MAST2: variants seen among roughly 807,000 people sequenced by gnomAD.
MAST2 encodes the protein microtubule-associated serine/threonine-protein kinase 2.
A neutral mutation model predicts 147.4 loss-of-function variants in MAST2; 70 were observed. That is an observed-to-expected ratio of 0.47 (90% CI 0.39 to 0.58). The LOEUF (loss-of-function observed/expected upper bound fraction) is 0.58. Among genes scored for constraint, MAST2 ranks in the 20% least tolerant of loss-of-function variants. The probability of loss-of-function intolerance (pLI) is 0.00; values close to 1 mark genes in which losing one functional copy is unlikely to be tolerated. For synonymous variants in MAST2, 869 were observed against 896.8 expected (o/e 0.97, Z 0.55); for missense variants, 2,080 against 2,302.3 (o/e 0.90, Z 1.98).
chr1:45,812,597 T>A (rs1644336647), intron 1 of MAST2, among the ~76,000 whole-genome samples: 1 of 152,140 alleles, frequency 6.6e-6, no homozygotes, highest in South Asian at 2.1e-4. Flanking sequence ...TGGGTAATTT[T>A]GTATTTTTAG....
At chr1:46,024,829 C>G (rs969571972) in intron 15 of MAST2, among the ~76,000 whole-genome samples, 1 of 152,144 alleles carries the variant, frequency 6.6e-6, no homozygotes, top group Non-Finnish European at 1.5e-5. Context: ...CTTTCCACCC[C>G]CCTCCATACC....
At chr1:45,936,879 C>T (rs548395483) in intron 4 of MAST2, among the ~76,000 whole-genome samples, 1 of 152,230 alleles carries the variant, frequency 6.6e-6, no homozygotes, top group Non-Finnish European at 1.5e-5. Context: ...GGGGCCTGCA[C>T]ATTTTGAAAC....
At chr1:45,977,340 T>G (rs1017764342) in intron 5 of MAST2, among the ~76,000 whole-genome samples, 2 of 150,320 alleles carry the variant, frequency 1.3e-5, no homozygotes, top group African/African-American at 4.9e-5. Context: ...ATACAAAAAT[T>G]AGCCAGGCGT....
At chr1:46,011,506 GAGAGT>G (rs772072789) in intron 10 of MAST2, among the ~76,000 whole-genome samples, 15 of 152,230 alleles carry the variant, frequency 9.9e-5, no homozygotes, top group Non-Finnish European at 1.9e-4. Flanking sequence ...CAAAGCACAT[GAGAGT>G]TCTTAAGCAC....
chr1:45,810,885 C>T (rs1182921205), intron 1 of MAST2, among the ~76,000 whole-genome samples: 2 of 134,976 alleles, frequency 1.5e-5, no homozygotes, highest in African/African-American at 2.8e-5. Flanking sequence ...GGCAGTCTTG[C>T]TCTGTGGCCC....
At chr1:45,878,542 C>G (rs951551988) in intron 3 of MAST2, among the ~76,000 whole-genome samples, 2 of 151,792 alleles carry the variant, frequency 1.3e-5, no homozygotes, top group Admixed American at 6.6e-5. Flanking sequence ...ATAGAAAATT[C>G]TAGAAAATGG....
intron 4 of MAST2, among the ~76,000 whole-genome samples, chr1:45,937,565 C>T (rs932010587): frequency 5.9e-5 from 9 of 152,006 alleles, no homozygotes; most frequent in South Asian, 2.1e-4. Context: ...GCCTGGCCAA[C>T]GTGGTGAAGC....
At chr1:45,928,607 A>T (rs1336729017) in intron 4 of MAST2, among the ~76,000 whole-genome samples, 1 of 149,006 alleles carries the variant, frequency 6.7e-6, no homozygotes, top group African/African-American at 2.5e-5. Context: ...TTTGAGACAG[A>T]GTCTCTCTCT....
chr1:45,824,359 GA>G (rs1644727531), intron 1 of MAST2, 73 bp from the exon 2 acceptor site: 1 of 1,156,654 alleles, frequency 8.6e-7, no homozygotes, highest in African/African-American at 1.6e-5. Flanking sequence ...ATGCTGTAGA[GA>G]TGTTTAATAT....
At chr1:46,007,534 AC>A (rs1430686950) in intron 8 of MAST2, among the ~76,000 whole-genome samples, 9 of 152,344 alleles carry the variant, frequency 5.9e-5, no homozygotes, top group African/African-American at 2.2e-4. Flanking sequence ...GTGCAGCAGT[AC>A]AGCAGGCAAA....
At chr1:45,912,220 G>T (rs1160719779) in intron 4 of MAST2, among the ~76,000 whole-genome samples, 1 of 152,110 alleles carries the variant, frequency 6.6e-6, no homozygotes, top group East Asian at 1.9e-4. Flanking sequence ...TACTAGGTGG[G>T]TGAGTTTGCT....
At chr1:45,891,428 G>A (rs1054078466) in intron 4 of MAST2, among the ~76,000 whole-genome samples, 3 of 152,138 alleles carry the variant, frequency 2.0e-5, no homozygotes, top group Non-Finnish European at 4.4e-5. Flanking sequence ...GCAGTGAGCC[G>A]TGATTGTGCC....
At chr1:46,008,055 T>C (rs1427074460) in intron 8 of MAST2, among the ~76,000 whole-genome samples, 1 of 152,140 alleles carries the variant, frequency 6.6e-6, no homozygotes, top group Non-Finnish European at 1.5e-5. Flanking sequence ...TTTCTAGGTC[T>C]TTCTAGCCTA....
chr1:45,927,554 C>T (rs1654586956), intron 4 of MAST2, among the ~76,000 whole-genome samples: 1 of 152,198 alleles, frequency 6.6e-6, no homozygotes, highest in African/African-American at 2.4e-5. Flanking sequence ...AGAAATACGG[C>T]TCTGTTCTGC....
intron 5 of MAST2, among the ~76,000 whole-genome samples, chr1:45,985,195 A>G (rs779982006): frequency 5.3e-5 from 8 of 149,738 alleles, no homozygotes; most frequent in African/African-American, 2.0e-4. Flanking sequence ...CTCAACCTCA[A>G]CCTCCTGAGA....
intron 5 of MAST2, among the ~76,000 whole-genome samples, chr1:45,968,070 C>T (rs768784925): frequency 1.3e-5 from 2 of 152,110 alleles, no homozygotes; most frequent in African/African-American, 4.8e-5. Context: ...CTTGTTGGAG[C>T]CTTTTAGATT....
At chr1:45,860,496 A>G (rs1317371178) in intron 3 of MAST2, among the ~76,000 whole-genome samples, 2 of 151,960 alleles carry the variant, frequency 1.3e-5, no homozygotes, top group East Asian at 1.9e-4. Flanking sequence ...CAACTTAATT[A>G]TTCTTCCTGT....
At chr1:45,979,039 TGA>T (rs1238096321) in intron 5 of MAST2, among the ~76,000 whole-genome samples, 1 of 151,618 alleles carries the variant, frequency 6.6e-6, no homozygotes, top group Non-Finnish European at 1.5e-5. Flanking sequence ...TAAAATTGTA[TGA>T]GAGAAAAACT....
At chr1:45,833,284 A>G (rs1206996726) in intron 3 of MAST2, among the ~76,000 whole-genome samples, 1 of 152,154 alleles carries the variant, frequency 6.6e-6, no homozygotes, top group Non-Finnish European at 1.5e-5. Flanking sequence ...TCATGATCCT[A>G]ATTAGTGATT....
Sources: allele counts gnomAD v4.1 joint callset (sites outside exome capture counted in the v4.1 genomes callset), GRCh38; gene constraint gnomAD v4.1.1; transcripts MANE v1.5; gene names NCBI Gene and HGNC (gene_info 2026-07-23, HGNC 2026-07-21).